Variants in NWD2 observed in about 807,000 individuals in gnomAD.
NWD2 encodes NACHT and WD repeat domain containing 2, also known as NACHT and WD repeat domain-containing protein 2.
A neutral mutation model predicts 132.7 loss-of-function variants in NWD2; 37 were observed. The observed-to-expected ratio is 0.28, with a 90% CI of 0.21 to 0.37. The LOEUF is 0.37. Ranked by LOEUF, NWD2 falls within the 10% of genes least tolerant of loss-of-function variation. The pLI is 1.00. For missense variants in NWD2, 1,592 were observed against 2,122.4 expected, an observed-to-expected ratio of 0.75 and a Z score of 4.91; for synonymous variants, 705 against 803.0, an observed-to-expected ratio of 0.88 and a Z score of 2.06.
rs1410110941 is a variant in NWD2 at position 37,443,064 on chromosome 4, A to T, written c.1297-221A>T. ...AATACTATTATTGCTACTTTAGTAC[A>T]CTCAGTAGGGGTAATCCTGAGGGTC... On this transcript the variant is annotated intron_variant, in intron 6 of 6. Transcript: ENST00000309447. The surrounding 1 kb of genome is among the most constrained non-coding windows in gnomAD (Gnocchi z 4.1). Among the ~76,000 whole-genome samples, 1 of 152,084 alleles carries T rather than the reference A, an allele frequency of 6.6e-6. No individual in the cohort carries two copies. The highest frequency in any genetic ancestry group is 1.9e-4 in the East Asian group (1 of 5,196).
chr4:37,275,882 A>G (rs1447728747), intron 1 of NWD2, among the ~76,000 whole-genome samples: 1 of 152,204 alleles, frequency 6.6e-6, no homozygotes, highest in Non-Finnish European at 1.5e-5. Context: ...GTGCTGGTAA[A>G]ACTGGCTAGC....
At chr4:37,293,206 C>T (rs958070906) in intron 1 of NWD2, among the ~76,000 whole-genome samples, 1 of 152,134 alleles carries the variant, frequency 6.6e-6, no homozygotes, top group African/African-American at 2.4e-5. Context: ...TCAATCTCAA[C>T]CTCTTCAACT....
chr4:37,308,497 TCATTAGTGGCAGCAGC>T (rs1718760532), intron 1 of NWD2, among the ~76,000 whole-genome samples: 1 of 152,134 alleles, frequency 6.6e-6, no homozygotes, highest in South Asian at 2.1e-4. Flanking sequence ...AGGGCGGCAG[TCATTAGTGGCAGCAGC>T]CATTAGTGGC....
In NWD2 at chr4:37,275,285, A is replaced by G. The variant is rs1717983934; in HGVS notation, c.151+30067A>G. On this transcript the variant is annotated intron_variant, in intron 1 of 6. Transcript: ENST00000309447. ...ATCACAAGCATTCTTATACACCAATAACAGACAAACAGCCAAATCATGAGT... is the reference window on the plus strand; with the variant it reads ...ATCACAAGCATTCTTATACACCAATGACAGACAAACAGCCAAATCATGAGT... 5.3e-5 allele frequency among the ~76,000 whole-genome samples: 8 copies of G among 152,238 alleles called. No individual in the cohort carries two copies. The South Asian group carries it at 1.7e-3, about 32-fold the overall frequency.
At chr4:37,374,550 G>T (rs994433766) in intron 3 of NWD2, among the ~76,000 whole-genome samples, 2 of 152,064 alleles carry the variant, frequency 1.3e-5, no homozygotes, top group Non-Finnish European at 2.9e-5. Context: ...TATGGAAAAA[G>T]GAATGAGACA....
chr4:37,292,952 C>G (rs989580592), intron 1 of NWD2, among the ~76,000 whole-genome samples: 1 of 152,162 alleles, frequency 6.6e-6, no homozygotes, highest in African/African-American at 2.4e-5. Context: ...TAACAGGCCA[C>G]GGACCAGTAC....
chr4:37,420,776 C>T (rs192823291), intron 3 of NWD2, among the ~76,000 whole-genome samples: 29 of 152,300 alleles, frequency 1.9e-4, no homozygotes, highest in Admixed American at 1.1e-3. Context: ...TTATTTGGGA[C>T]TGGGGCAGGG....
rs115141422 is a variant in NWD2, at chr4:37,386,891, T to C, written c.357+30409T>C. On this transcript the variant is annotated intron_variant, in intron 3 of 6. Coordinates refer to ENST00000309447, the MANE Select transcript of NWD2 (RefSeq NM_001144990.2). ...GGTCCCTCTCTTTCCGTGTGTCATGTCTGTTTCCTCTTCGTCTTTTGCTAG... is the reference window on the plus strand; with the variant it reads ...GGTCCCTCTCTTTCCGTGTGTCATGCCTGTTTCCTCTTCGTCTTTTGCTAG... Among the ~76,000 whole-genome samples the C allele has an allele frequency of 3.6e-3, 544 of 152,200 alleles. 1 individual carries two copies. The highest frequency in any genetic ancestry group is 4.5e-3 in the Non-Finnish European group (308 of 68,038).
At chr4:37,351,643 AT>A (rs935879800) in intron 2 of NWD2, among the ~76,000 whole-genome samples, 1 of 152,012 alleles carries the variant, frequency 6.6e-6, no homozygotes, top group Non-Finnish European at 1.5e-5. Context: ...GGATTCATTG[AT>A]TTTTTTAAGA....
At position 37,308,748 on chromosome 4, in the gene NWD2, G is replaced by A. The variant is rs146992655; in HGVS notation, c.152-17188G>A. ...TGAGCCAGTCCTCAGGCCCCTGGTT[G>A]AGGGTACAGGCACTCAGTAGCCTTG... On this transcript the variant is annotated intron_variant, in intron 1 of 6. Transcript: ENST00000309447. Among the ~76,000 whole-genome samples, 62 of 152,280 alleles carry A rather than the reference G, an allele frequency of 4.1e-4. No homozygotes were observed. In the East Asian group the frequency reaches 0.01, roughly 26 times the overall value.
chr4:37,367,620 A>G (rs1290720994), intron 3 of NWD2, among the ~76,000 whole-genome samples: 1 of 152,214 alleles, frequency 6.6e-6, no homozygotes, highest in Non-Finnish European at 1.5e-5. Context: ...GAGCCTTAAG[A>G]TAATCTAGTA....
intron 1 of NWD2, among the ~76,000 whole-genome samples, chr4:37,248,369 C>T (rs1048168726): frequency 1.3e-5 from 2 of 152,182 alleles, no homozygotes; most frequent in African/African-American, 4.8e-5. Flanking sequence ...TTGACACATT[C>T]TTGTCCAGAA....
Position 37,433,992 on chromosome 4 carries a change from C to T in NWD2, c.678C>T (p.His226=), listed in dbSNP as rs752528717. Residue 226 remains histidine (H), a synonymous_variant, in exon 5 of 7, where the codon CAC becomes CAT. Coordinates refer to ENST00000309447, the MANE Select transcript of NWD2 (RefSeq NM_001144990.2). ...TACACGAAAAGGGTAAAATGAAACA[C>T]AGCCAGGCTAAGAGGTACCTGTTCT... ...KLLHEKGKMK[H]SQAKRYLFSA... is the part of the protein sequence containing the mutation. The T allele has an allele frequency of 2.6e-6, 4 of 1,549,876 alleles. No individual in the cohort carries two copies. Among genetic ancestry groups the T allele is most frequent in the Admixed American group, 3.9e-5 (2 of 50,876 alleles).
chr4:37,300,218 C>A (rs1359906283), intron 1 of NWD2, among the ~76,000 whole-genome samples: 3 of 152,154 alleles, frequency 2.0e-5, no homozygotes, highest in Non-Finnish European at 4.4e-5. Context: ...CCTTGCTATG[C>A]ATTATTGGAA....
intron 3 of NWD2, among the ~76,000 whole-genome samples, chr4:37,422,936 C>T (rs934505403): frequency 6.6e-6 from 1 of 151,584 alleles, no homozygotes; most frequent in Non-Finnish European, 1.5e-5. Flanking sequence ...GACTCATATT[C>T]GTAATATGTG....
intron 1 of NWD2, among the ~76,000 whole-genome samples, chr4:37,314,698 G>T (rs112047948): frequency 6.6e-6 from 1 of 151,984 alleles, no homozygotes; most frequent in Non-Finnish European, 1.5e-5. Context: ...GTTGATAATT[G>T]TACTGATCTT....
At chr4:37,335,403 T>G (rs1034697315) in intron 2 of NWD2, among the ~76,000 whole-genome samples, 1 of 152,116 alleles carries the variant, frequency 6.6e-6, no homozygotes, top group Admixed American at 6.5e-5. Context: ...CAGAGTACTT[T>G]ATTTCTAATC....
At chr4:37,254,333 T>C (rs749129827) in intron 1 of NWD2, among the ~76,000 whole-genome samples, 3 of 152,232 alleles carry the variant, frequency 2.0e-5, no homozygotes, top group Non-Finnish European at 4.4e-5. Context: ...ACCTTTGAGC[T>C]CTAAGCATTG....
At chr4:37,264,173 C>CCTGG (rs1717703611) in intron 1 of NWD2, among the ~76,000 whole-genome samples, 1 of 152,146 alleles carries the variant, frequency 6.6e-6, no homozygotes, top group South Asian at 2.1e-4. Flanking sequence ...TAATTTAGTG[C>CCTGG]CTGGCTGAAT....
Sources: allele counts gnomAD v4.1 joint callset (sites outside exome capture counted in the v4.1 genomes callset), GRCh38; gene constraint gnomAD v4.1.1; non-coding constraint Gnocchi (gnomAD v3.1); transcripts MANE v1.5; gene names NCBI Gene and HGNC (gene_info 2026-07-23, HGNC 2026-07-21).